Variants in NELL1 observed in about 807,000 individuals in gnomAD.
The protein encoded by NELL1 is protein kinase C-binding protein NELL1.
In NELL1, 76 loss-of-function variants were observed where a neutral mutation model predicts 107.4. That is an observed-to-expected ratio of 0.71 (90% CI 0.59 to 0.86). The LOEUF (loss-of-function observed/expected upper bound fraction) is 0.86. Ranked by LOEUF, NELL1 falls within the 40% of genes least tolerant of loss-of-function variation. The pLI is 0.00. For missense variants in NELL1, 1,024 were observed against 1,005.5 expected, an observed-to-expected ratio of 1.02 and a Z score of -0.25; for synonymous variants, 353 against 341.2, an observed-to-expected ratio of 1.03 and a Z score of -0.38.
At chr11:20,725,406 G>A (rs530248087) in intron 2 of NELL1, among the ~76,000 whole-genome samples, 1 of 152,342 alleles carries the variant, frequency 6.6e-6, no homozygotes, top group South Asian at 2.1e-4. Context: ...GAGCAGGCAT[G>A]TGAGCAACAG....
rs188665877 is a variant in NELL1, at chr11:20,723,696, A to G, written c.184+45636A>G. ...ATCTAGAGAATGGTGGCCCTCTTCCATAGCTCCATTAGGCAGTGCCCCAGT... is the reference window on the plus strand; with the variant it reads ...ATCTAGAGAATGGTGGCCCTCTTCCGTAGCTCCATTAGGCAGTGCCCCAGT... On this transcript the variant is annotated intron_variant, in intron 2 of 19. Coordinates refer to ENST00000357134, the MANE Select transcript of NELL1 (RefSeq NM_006157.5). Among the ~76,000 whole-genome samples the G allele has an allele frequency of 2.5e-3, 375 of 152,034 alleles. 1 individual carries two copies. Among genetic ancestry groups the G allele is most frequent in the African/African-American group, 8.7e-3 (358 of 41,382 alleles).
chr11:21,452,655 A>T (rs1354917199), intron 15 of NELL1, among the ~76,000 whole-genome samples: 1 of 151,970 alleles, frequency 6.6e-6, no homozygotes, highest in African/African-American at 2.4e-5. Flanking sequence ...TTCATTTCCT[A>T]TATTATTGAC....
chr11:20,734,203 T>G (rs2139423), intron 2 of NELL1, among the ~76,000 whole-genome samples: 78,647 of 151,858 alleles, frequency 0.52, 23,197 homozygotes, highest in Middle Eastern at 0.74. Flanking sequence ...AAGGTGAGAA[T>G]TGGGAGTAGC....
chr11:20,975,575 T>A (rs182346805), intron 12 of NELL1, among the ~76,000 whole-genome samples: 1 of 101,216 alleles, frequency 9.9e-6, no homozygotes, highest in Non-Finnish European at 2.0e-5. Flanking sequence ...TATAATGTAT[T>A]ATATACACAT....
intron 15 of NELL1, among the ~76,000 whole-genome samples, chr11:21,521,119 G>A (rs1855715552): frequency 6.6e-6 from 1 of 152,088 alleles, no homozygotes; most frequent in Non-Finnish European, 1.5e-5. Flanking sequence ...TCTCTCTTTT[G>A]AATGTAAGTA....
At chr11:21,559,166 A>G (rs757200776) in intron 16 of NELL1, among the ~76,000 whole-genome samples, 1 of 152,134 alleles carries the variant, frequency 6.6e-6, no homozygotes, top group Non-Finnish European at 1.5e-5. Context: ...TTTGTATTGC[A>G]CCATGTGCAA....
At chr11:20,680,798 C>T (rs985676569) in intron 2 of NELL1, among the ~76,000 whole-genome samples, 2 of 152,098 alleles carry the variant, frequency 1.3e-5, no homozygotes, top group African/African-American at 4.8e-5. Context: ...TTGTTTCCTG[C>T]CTGTAAAGTT....
chr11:21,101,889 G>A (rs1460727213), intron 12 of NELL1, among the ~76,000 whole-genome samples: 4 of 152,246 alleles, frequency 2.6e-5, no homozygotes, highest in African/African-American at 9.6e-5. Context: ...TTGAGATGGA[G>A]TTTTGCTCTT....
intron 12 of NELL1, among the ~76,000 whole-genome samples, chr11:21,009,012 T>G (rs1852389796): frequency 6.6e-6 from 1 of 152,036 alleles, no homozygotes; most frequent in Non-Finnish European, 1.5e-5. Flanking sequence ...ACTGTGGCAA[T>G]TTGATTGGTG....
chr11:20,711,497 A>T (rs1855112876), intron 2 of NELL1, among the ~76,000 whole-genome samples: 1 of 151,828 alleles, frequency 6.6e-6, no homozygotes, highest in Non-Finnish European at 1.5e-5. Flanking sequence ...TGTTTCACGG[A>T]GGTTCTATTT....
chr11:21,154,270 T>G (rs1856182895), intron 13 of NELL1, among the ~76,000 whole-genome samples: 1 of 152,194 alleles, frequency 6.6e-6, no homozygotes. Context: ...TATATGATGA[T>G]CAAAAGTAAA....
intron 13 of NELL1, among the ~76,000 whole-genome samples, chr11:21,121,176 G>C (rs1236554315): frequency 2.0e-5 from 3 of 152,154 alleles, no homozygotes; most frequent in Non-Finnish European, 4.4e-5. Flanking sequence ...AGAACAGAGA[G>C]GGTTGGAGTA....
chr11:20,956,778 G>C (rs1319395313), intron 11 of NELL1, among the ~76,000 whole-genome samples: 1 of 152,090 alleles, frequency 6.6e-6, no homozygotes, highest in Non-Finnish European at 1.5e-5. Context: ...TAGATCCATT[G>C]TTTTCTGTGA....
intron 12 of NELL1, among the ~76,000 whole-genome samples, chr11:21,112,355 C>T (rs1323414606): frequency 6.6e-6 from 1 of 151,938 alleles, no homozygotes; most frequent in Non-Finnish European, 1.5e-5. Context: ...TAATGAGTTT[C>T]CTAGTGACTC....
chr11:21,567,548 G>GT (rs951826230), intron 17 of NELL1, among the ~76,000 whole-genome samples: 2 of 151,722 alleles, frequency 1.3e-5, no homozygotes, highest in Non-Finnish European at 2.9e-5. Context: ...TATTTGTATA[G>GT]TAAAAGAGCC....
At chr11:21,349,785 T>C (rs182631508) in intron 14 of NELL1, among the ~76,000 whole-genome samples, 3 of 152,230 alleles carry the variant, frequency 2.0e-5, no homozygotes, top group Admixed American at 2.0e-4. Flanking sequence ...TGACCTACTG[T>C]AGTGAACATA....
chr11:20,984,621 C>T (rs370692404), intron 12 of NELL1, among the ~76,000 whole-genome samples: 5 of 152,046 alleles, frequency 3.3e-5, no homozygotes, highest in Admixed American at 1.3e-4. Flanking sequence ...CTAGCCTTTA[C>T]GGCCATCTCC....
chr11:21,072,812 G>A (rs1046004970), intron 12 of NELL1, among the ~76,000 whole-genome samples: 4 of 152,152 alleles, frequency 2.6e-5, no homozygotes, highest in South Asian at 4.1e-4. Flanking sequence ...TGTCTTAGAA[G>A]CAAAACATTT....
At chr11:21,129,411 A>G (rs147522911) in intron 13 of NELL1, among the ~76,000 whole-genome samples, 92 of 152,324 alleles carry the variant, frequency 6.0e-4, no homozygotes, top group African/African-American at 2.2e-3. Context: ...ACTTATGGGT[A>G]TATACCCAAA....
Sources: gnomAD v4.1 joint callset for allele counts (sites outside exome capture counted in the v4.1 genomes callset) on GRCh38, gnomAD v4.1.1 for gene constraint, MANE v1.5 for transcripts, NCBI Gene and HGNC (gene_info 2026-07-23, HGNC 2026-07-21) for gene names.